GPER1: variants seen among roughly 807,000 people sequenced by gnomAD.
GPER1 encodes G protein-coupled receptor 30.
Under a neutral mutation model 0.6 loss-of-function variants are expected in GPER1, and 2 were observed. The observed-to-expected ratio is 3.41, with a 90% CI of 1.39 to 10.72. The LOEUF (loss-of-function observed/expected upper bound fraction) is 10.72. GPER1 is among the 30% of genes most tolerant of loss of function. The pLI is 0.04. For synonymous variants in GPER1, 263 were observed against 247.6 expected (o/e 1.06, Z -0.58); for missense variants, 441 against 535.2 (o/e 0.82, Z 1.74).
In GPER1 at chr7:1,091,875, C is replaced by T; in HGVS notation, c.147C>T (p.Leu49=). The change falls in exon 2 of 2, where the codon CTC becomes CTT. Residue 49 remains leucine (L), a synonymous_variant. Coordinates refer to ENST00000397088, the MANE Select transcript of GPER1 (RefSeq NM_001098201.3). ...GTALANGTGE[L]SEHQQYVIGL... is the part of the protein sequence containing the mutation. ...CCCTGGCCAATGGGACAGGTGAGCTCTCGGAGCACCAGCAGTACGTGATCG... is the reference window on the plus strand; with the variant it reads ...CCCTGGCCAATGGGACAGGTGAGCTTTCGGAGCACCAGCAGTACGTGATCG... The T allele has an allele frequency of 6.2e-7, 1 of 1,613,828 alleles. No homozygotes were observed. Among genetic ancestry groups the T allele is most frequent in the Non-Finnish European group, 8.5e-7 (1 of 1,179,804 alleles).
chr7:1,089,104 C>T (rs1224261503), intron 1 of GPER1, among the ~76,000 whole-genome samples: 1 of 152,152 alleles, frequency 6.6e-6, no homozygotes. Context: ...TCCAAAATTT[C>T]TACATTTAAA....
rs1419970210 is a variant in GPER1, at chr7:1,092,467, C to A, written c.739C>A (p.His247Asn). ...IVRVLVRAHR[H>N]RGLRPRRQKA... is the part of the protein sequence containing the mutation. ...CCGGGTGCTGGTCAGGGCGCACCGG[C>A]ACCGTGGGCTGCGGCCCCGGCGGCA... Residue 247 changes from histidine (H) to asparagine (N), a missense_variant, in exon 2 of 2, where the codon CAC becomes AAC. His to Asn is a moderately conservative substitution (Grantham distance 68). Coordinates refer to ENST00000397088, the MANE Select transcript of GPER1 (RefSeq NM_001098201.3). 1 of 1,608,028 alleles carries A rather than the reference C, an allele frequency of 6.2e-7. No homozygotes were observed.
intron 1 of GPER1, among the ~76,000 whole-genome samples, chr7:1,090,474 G>A (rs965455557): frequency 6.6e-6 from 1 of 152,094 alleles, no homozygotes; most frequent in Non-Finnish European, 1.5e-5. Context: ...GGGTGACACG[G>A]GGTGGGTGAT....
upstream of GPER1, among the ~76,000 whole-genome samples, chr7:1,087,704 C>CA (rs1459960854): frequency 6.6e-6 from 1 of 152,210 alleles, no homozygotes; most frequent in Non-Finnish European, 1.5e-5. Context: ...CTTCTCTCTG[C>CA]AAATGTCTGT....
chr7:1,092,829 G>T lies in GPER1; in HGVS notation c.1101G>T (p.Ser367=). ...TCATTCCAGACAGCACCGAGCAGTC[G>T]GATGTGAGGTTCAGCAGTGCCGTGT... The part of the protein sequence containing the change: ...KAVIPDSTEQ[S]DVRFSSAV The change falls in exon 2 of 2, where the codon TCG becomes TCT. Residue 367 remains serine, a synonymous_variant. Transcript: ENST00000397088. 6.2e-7 allele frequency: 1 copy of T among 1,613,044 alleles called. No homozygotes were observed. Among genetic ancestry groups the T allele is most frequent in the South Asian group, 1.1e-5 (1 of 91,038 alleles).
Position 1,092,519 on chromosome 7 carries a change from T to C in GPER1, c.791T>C (p.Val264Ala), listed in dbSNP as rs146041906. Residue 264 changes from valine to alanine, a missense_variant, in exon 2 of 2, where the codon GTG becomes GCG. Coordinates refer to ENST00000397088, the MANE Select transcript of GPER1 (RefSeq NM_001098201.3). ...RQKALRMILA[V>A]VLVFFVCWLP... ...AAGGCGCTCCGCATGATCCTCGCGG[T>C]GGTGCTGGTCTTCTTCGTCTGCTGG... 5.8e-5 allele frequency: 94 copies of C among 1,608,102 alleles called. No individual in the cohort carries two copies. Among genetic ancestry groups the C allele is most frequent in the Middle Eastern group, 3.3e-4 (2 of 6,062 alleles).
At chr7:1,089,908 C>G (rs1787780366) in intron 1 of GPER1, among the ~76,000 whole-genome samples, 1 of 150,930 alleles carries the variant, frequency 6.6e-6, no homozygotes, top group Non-Finnish European at 1.5e-5. Flanking sequence ...CATGGTAAAA[C>G]CCCATCTCTA....
At position 1,092,095 on chromosome 7, in the gene GPER1, T is replaced by C. The variant is rs1471152854; in HGVS notation, c.367T>C (p.Tyr123His). 1 of 1,613,860 alleles carries C rather than the reference T, an allele frequency of 6.2e-7. No individual in the cohort carries two copies. The highest frequency in any genetic ancestry group is 1.3e-5 in the African/African-American group (1 of 75,054). Residue 123 changes from tyrosine (Y) to histidine (H), a missense_variant, in exon 2 of 2, where the codon TAC (tyrosine) becomes CAC (histidine). Coordinates refer to ENST00000397088, the MANE Select transcript of GPER1 (RefSeq NM_001098201.3). ...LIEVFNLHERYYDIAVLCTFM... is the reference protein window; with the variant it reads ...LIEVFNLHERHYDIAVLCTFM... Reference sequence around the variant, plus strand: ...TGAGGTGTTCAACCTGCACGAGCGGTACTACGACATCGCCGTCCTGTGCAC... The same window carrying C: ...TGAGGTGTTCAACCTGCACGAGCGGCACTACGACATCGCCGTCCTGTGCAC...
In GPER1 at chr7:1,088,810, TGGC is replaced by T. The variant is rs1787652895; in HGVS notation, c.-323+490_-323+492del. On this transcript the variant is annotated intron_variant, in intron 1 of 1. Transcript: ENST00000397088. This position sits in a 1 kb window ranked among gnomAD's most constrained non-coding sequence, Gnocchi z 4.5. ...AGGTATTGCACTGTTTATAACTCCA[TGGC>T]CACCTCCAGTGAGGACGTGGGGCCA... Among the ~76,000 whole-genome samples the T allele has an allele frequency of 6.6e-6, 1 of 152,070 alleles. No individual in the cohort carries two copies. Among genetic ancestry groups the T allele is most frequent in the Non-Finnish European group, 1.5e-5 (1 of 68,032 alleles).
upstream of GPER1, chr7:1,087,335 T>G (rs1787487153): frequency 1.3e-5 from 2 of 152,246 alleles, no homozygotes; most frequent in Admixed American, 1.3e-4. Flanking sequence ...GGGTCCCTGG[T>G]CTGAATGCTT....
Position 1,092,925 on chromosome 7 carries a change from G to T in GPER1, c.*69G>T, listed in dbSNP as rs113499788. The T allele has an allele frequency of 5.7e-6, 8 of 1,405,480 alleles. No individual in the cohort carries two copies. The highest frequency in any genetic ancestry group is 8.0e-6 in the Non-Finnish European group (8 of 1,003,664). The allele number at this position is 1,405,480 out of a possible 1,614,324, so 87.1% of individuals were successfully genotyped here. On this transcript the variant is annotated 3_prime_UTR_variant, in exon 2 of 2. Transcript: ENST00000397088. ...CTGCACACACCTGGGTGGACACAAG[G>T]CACGGCCACGTCATGTCTCTAAACT...
chr7:1,090,669 G>A (rs554948635), intron 1 of GPER1, among the ~76,000 whole-genome samples: 9 of 152,382 alleles, frequency 5.9e-5, no homozygotes, highest in African/African-American at 9.6e-5. Flanking sequence ...GGGCACCGCC[G>A]TGGGCGGACA....
Position 1,092,562 on chromosome 7 carries a change from C to T in GPER1, c.834C>T (p.Phe278=), listed in dbSNP as rs1788115230. The part of the protein sequence containing the change: ...FFVCWLPENV[F]ISVHLLQRTQ... ...TCTGCTGGCTGCCGGAGAACGTCTT[C>T]ATCAGCGTGCACCTCCTGCAGCGGA... The change falls in exon 2 of 2, where the codon TTC becomes TTT. Residue 278 remains phenylalanine (F), a synonymous_variant. Coordinates refer to ENST00000397088, the MANE Select transcript of GPER1 (RefSeq NM_001098201.3). The T allele has an allele frequency of 1.9e-6, 3 of 1,610,400 alleles. No individual in the cohort carries two copies. Among genetic ancestry groups the T allele is most frequent in the Non-Finnish European group, 2.5e-6 (3 of 1,180,014 alleles).
chr7:1,092,248 G>T lies in GPER1; in HGVS notation c.520G>T (p.Ala174Ser). ...RCSLFRTKHH[A>S]RLSCGLIWMA... ...CAGCCTGTTCCGCACCAAGCACCAC[G>T]CCCGGCTGAGCTGTGGCCTCATCTG... Residue 174 changes from alanine (A) to serine (S), a missense_variant, in exon 2 of 2, where the codon GCC becomes TCC. Coordinates refer to ENST00000397088, the MANE Select transcript of GPER1 (RefSeq NM_001098201.3). 1.2e-6 allele frequency: 2 copies of T among 1,612,286 alleles called. No homozygotes were observed. Among genetic ancestry groups the T allele is most frequent in the Non-Finnish European group, 8.5e-7 (1 of 1,180,018 alleles).
intron 1 of GPER1, among the ~76,000 whole-genome samples, chr7:1,090,674 C>T (rs1190465724): frequency 2.6e-5 from 4 of 152,230 alleles, no homozygotes; most frequent in Non-Finnish European, 5.9e-5. Context: ...CCGCCGTGGG[C>T]GGACAGCCCA....
chr7:1,089,229 G>A (rs1787690038), intron 1 of GPER1, among the ~76,000 whole-genome samples: 2 of 152,140 alleles, frequency 1.3e-5, no homozygotes, highest in South Asian at 4.1e-4. Context: ...CTGTTCAATG[G>A]TATTATCTAC....
Position 1,091,764 on chromosome 7 carries a change from G to C in GPER1, c.36G>C (p.Leu12=), listed in dbSNP as rs541413145. 7.1e-6 allele frequency: 11 copies of C among 1,556,734 alleles called. No individual in the cohort carries two copies. Among genetic ancestry groups the C allele is most frequent in the Non-Finnish European group, 9.6e-6 (11 of 1,149,100 alleles). The part of the protein sequence containing the change: ...DVTSQARGVG[L]EMYPGTAQPA... ...CTTCCCAAGCCCGGGGCGTGGGCCT[G>C]GAGATGTACCCAGGCACCGCGCAGC... The change falls in exon 2 of 2, where the codon CTG becomes CTC. Residue 12 remains leucine (L), a synonymous_variant. Transcript: ENST00000397088.
intron 1 of GPER1, among the ~76,000 whole-genome samples, chr7:1,089,882 A>T (rs2128225702): frequency 6.6e-6 from 1 of 152,002 alleles, no homozygotes; most frequent in Admixed American, 6.6e-5. Context: ...CAGAAGTTCG[A>T]TACAAGCCTG....
In GPER1 at chr7:1,088,521, C is replaced by T. The variant is rs749882693; in HGVS notation, c.-323+200C>T. 6.6e-6 allele frequency among the ~76,000 whole-genome samples: 1 copy of T among 152,134 alleles called. No homozygotes were observed. The highest frequency in any genetic ancestry group is 1.5e-5 in the Non-Finnish European group (1 of 68,012). Reference sequence around the variant, plus strand: ...GGAGCTCCGGTGGTCTCAGCGTGACCGCAGCAGGGGCTTTGCCTGGACGGC... The same window carrying T: ...GGAGCTCCGGTGGTCTCAGCGTGACTGCAGCAGGGGCTTTGCCTGGACGGC... On this transcript the variant is annotated intron_variant, in intron 1 of 1. Coordinates refer to ENST00000397088, the MANE Select transcript of GPER1 (RefSeq NM_001098201.3). This position sits in a 1 kb window ranked among gnomAD's most constrained non-coding sequence, Gnocchi z 4.5.
Sources: allele counts gnomAD v4.1 joint callset (sites outside exome capture counted in the v4.1 genomes callset), GRCh38; gene constraint gnomAD v4.1.1; non-coding constraint Gnocchi (gnomAD v3.1); transcripts MANE v1.5; gene names NCBI Gene and HGNC (gene_info 2026-07-23, HGNC 2026-07-21).